The following RPL26 variants were observed in gnomAD, a reference collection of about 807,000 sequenced individuals.
RPL26 encodes ribosomal protein L26.
Under a neutral mutation model 16.2 loss-of-function variants are expected in RPL26, and 1 was observed. The observed-to-expected ratio is 0.06, with a 90% CI of 0.02 to 0.29. The LOEUF (loss-of-function observed/expected upper bound fraction) is 0.29, where lower values mean the gene tolerates loss of function less well. RPL26 is among the 10% of genes least tolerant of loss of function. The probability of loss-of-function intolerance (pLI) is 1.00; values close to 1 mark genes in which losing one functional copy is unlikely to be tolerated. For synonymous variants in RPL26, 55 were observed against 62.4 expected (o/e 0.88, Z 0.56); for missense variants, 102 against 184.3 (o/e 0.55, Z 2.58).
intron 1 of RPL26, 88 bp downstream of exon 1, chr17:8,383,069 G>A: frequency 2.5e-6 from 1 of 398,628 alleles, no homozygotes; most frequent in African/African-American, 2.1e-5. Flanking sequence ...CGGCCGACAA[G>A]AGACTCTCGG....
intron 1 of RPL26, 82 bp from the exon 2 acceptor site, chr17:8,382,397 G>C: frequency 9.8e-7 from 1 of 1,020,508 alleles, no homozygotes; most frequent in Non-Finnish European, 1.5e-6. Flanking sequence ...ATTTTATCTT[G>C]ATAGTCTAGA....
chr17:8,377,675 T>C lies in RPL26; in HGVS notation c.327A>G (p.Leu109=), dbSNP rs755255765. 5.3e-5 allele frequency: 85 copies of C among 1,610,480 alleles called. No individual in the cohort carries two copies. Among genetic ancestry groups the C allele is most frequent in the Non-Finnish European group, 1.1e-5 (13 of 1,178,752 alleles). ...IHPSKVVITR[L]KLDKDRKKIL... is the part of the protein sequence containing the mutation. ...TCTTTTTGCGGTCTTTGTCCAGTTTTAGCCTAGTGATAACCACCTGCAGAA... is the reference window on the plus strand; with the variant it reads ...TCTTTTTGCGGTCTTTGTCCAGTTTCAGCCTAGTGATAACCACCTGCAGAA... The change falls in exon 4 of 4, where the codon CTA becomes CTG. Residue 109 remains leucine (L), a synonymous_variant. Coordinates refer to ENST00000648839, the MANE Select transcript of RPL26 (RefSeq NM_000987.5).
rs1395790667 is a variant in RPL26 at position 8,379,793 on chromosome 17, T to C, written c.309+3A>G. On this transcript the variant is annotated splice_donor_region_variant and intron_variant, in intron 3 of 3. Coordinates refer to ENST00000648839, the MANE Select transcript of RPL26 (RefSeq NM_000987.5). ...TCTCTCAAGCATTCTCAAAAACACC[T>C]ACCTTGCTGGGGTGAATGCCTACGT... The C allele has an allele frequency of 1.2e-6, 2 of 1,611,862 alleles. No individual in the cohort carries two copies. The highest frequency in any genetic ancestry group is 1.7e-5 in the Admixed American group (1 of 59,480).
chr17:8,380,689 A>C (rs1907370492), intron 2 of RPL26: 1 of 152,216 alleles, frequency 6.6e-6, no homozygotes, highest in Non-Finnish European at 1.5e-5. Flanking sequence ...TTCAATGACC[A>C]AACATTGAAA....
intron 1 of RPL26, chr17:8,382,662 C>A (rs1907478020): frequency 3.4e-6 from 1 of 291,608 alleles, no homozygotes; most frequent in Non-Finnish European, 6.3e-6. Flanking sequence ...AGACCGACAA[C>A]GCAATTCTCT....
At position 8,379,873 on chromosome 17, in the gene RPL26, A is replaced by G. The variant is rs1345691102; in HGVS notation, c.232T>C (p.Tyr78His). ...GKVVQVYRKK[Y>H]VIYIERVQRE... is the part of the protein sequence containing the mutation. Reference sequence around the variant, plus strand: ...TGCACCCGTTCAATGTAGATAACATATTTCTTCCTGTAAACCTGGACTACT... The same window carrying G: ...TGCACCCGTTCAATGTAGATAACATGTTTCTTCCTGTAAACCTGGACTACT... The change falls in exon 3 of 4, where the codon TAT (tyrosine) becomes CAT (histidine). Residue 78 changes from tyrosine (Y) to histidine (H), a missense_variant. Transcript: ENST00000648839. 1 of 1,613,674 alleles carries G rather than the reference A, an allele frequency of 6.2e-7. No homozygotes were observed. Among genetic ancestry groups the G allele is most frequent in the Non-Finnish European group, 8.5e-7 (1 of 1,179,616 alleles).
Position 8,382,252 on chromosome 17 carries a change from T to G in RPL26, c.59A>C (p.Asn20Thr). Reference protein sequence around the residue: ...DRSKNRKRHFNAPSHIRRKIM... With the variant: ...DRSKNRKRHFTAPSHIRRKIM... ...CTTCCTTCGAATGTGGGAAGGTGCATTGAAATGCCTTTTGCGATTCTTGCT... is the reference window on the plus strand; with the variant it reads ...CTTCCTTCGAATGTGGGAAGGTGCAGTGAAATGCCTTTTGCGATTCTTGCT... Residue 20 changes from asparagine (N) to threonine (T), a missense_variant, in exon 2 of 4, where the codon AAT becomes ACT. Coordinates refer to ENST00000648839, the MANE Select transcript of RPL26 (RefSeq NM_000987.5). The G allele has an allele frequency of 6.2e-7, 1 of 1,613,662 alleles. No individual in the cohort carries two copies. Among genetic ancestry groups the G allele is most frequent in the East Asian group, 2.2e-5 (1 of 44,890 alleles).
intron 2 of RPL26, chr17:8,380,996 G>C (rs946954561): frequency 7.3e-5 from 11 of 151,426 alleles, no homozygotes; most frequent in African/African-American, 2.4e-4. Flanking sequence ...ATTGCTCCTA[G>C]GGATAACACA....
At chr17:8,379,628 T>A in intron 3 of RPL26, 168 bp downstream of exon 3, 1 of 626,900 alleles carries the variant, frequency 1.6e-6, no homozygotes, top group Non-Finnish European at 2.8e-6. Context: ...AGAAACATTT[T>A]AAATGGTATT....
intron 1 of RPL26, 149 bp from the exon 2 acceptor site, chr17:8,382,464 G>A: frequency 3.3e-6 from 2 of 603,888 alleles, no homozygotes; most frequent in South Asian, 4.5e-5. Context: ...TGATCGGAAG[G>A]GCCTATCAAC....
chr17:8,380,167 A>ACT, intron 2 of RPL26: 1 of 462,398 alleles, frequency 2.2e-6, no homozygotes, highest in African/African-American at 2.0e-5. Flanking sequence ...TGTGCAACCT[A>ACT]GTGCTAGTCA....
intron 1 of RPL26, 103 bp from the exon 2 acceptor site, chr17:8,382,418 G>A: frequency 4.8e-6 from 4 of 825,076 alleles, no homozygotes; most frequent in East Asian, 2.7e-5. Context: ...ATGATCATAG[G>A]CAGTGTCATG....
intron 3 of RPL26, among the ~76,000 whole-genome samples, chr17:8,378,466 T>G (rs1907257627): frequency 6.6e-6 from 1 of 152,102 alleles, no homozygotes. Context: ...ACTTCCAGGC[T>G]GGGCGACAAG....
At chr17:8,379,504 G>T (rs557033582) in intron 3 of RPL26, 139 of 510,232 alleles carry the variant, frequency 2.7e-4, no homozygotes, top group African/African-American at 2.4e-3. Context: ...CACTTGGGAG[G>T]TGGAGGCTGC....
intron 1 of RPL26, 131 bp from the exon 2 acceptor site, chr17:8,382,446 A>T (rs1186222254): frequency 3.5e-5 from 23 of 661,106 alleles, no homozygotes; most frequent in Non-Finnish European, 5.6e-5. Context: ...ACTTCAACAA[A>T]AACTGTTTGA....
At chr17:8,381,457 T>G (rs1251907539) in intron 2 of RPL26, 4 of 152,248 alleles carry the variant, frequency 2.6e-5, no homozygotes, top group Admixed American at 1.3e-4. Flanking sequence ...TATGGTCACA[T>G]CATCTGACGT....
At chr17:8,381,121 A>T (rs1288783582) in intron 2 of RPL26, 3 of 152,040 alleles carry the variant, frequency 2.0e-5, no homozygotes, top group African/African-American at 4.8e-5. Context: ...CCCATCCAGG[A>T]ACCAACTCAG....
chr17:8,377,947 A>C (rs1907227456), intron 3 of RPL26, among the ~76,000 whole-genome samples: 1 of 152,222 alleles, frequency 6.6e-6, no homozygotes, highest in Non-Finnish European at 1.5e-5. Context: ...GCTTCATTAT[A>C]AGATTTGTTT....
At position 8,377,653 on chromosome 17, in the gene RPL26, T is replaced by G. The variant is rs1268920255; in HGVS notation, c.349A>C (p.Lys117Gln). ...GATTTGGCTTTCCGTTCGAGGATCT[T>G]TTTGCGGTCTTTGTCCAGTTTTAGC... Reference protein sequence around the residue: ...TRLKLDKDRKKILERKAKSRQ... With the variant: ...TRLKLDKDRKQILERKAKSRQ... The change falls in exon 4 of 4, where the codon AAG becomes CAG. Residue 117 changes from lysine (K) to glutamine (Q), a missense_variant. Transcript: ENST00000648839. The G allele has an allele frequency of 2.4e-5, 38 of 1,612,180 alleles. No individual in the cohort carries two copies. The highest frequency in any genetic ancestry group is 3.1e-5 in the Non-Finnish European group (37 of 1,179,630).
Sources: gnomAD v4.1 joint callset for allele counts (sites outside exome capture counted in the v4.1 genomes callset) on GRCh38, gnomAD v4.1.1 for gene constraint, MANE v1.5 for transcripts, NCBI Gene and HGNC (gene_info 2026-07-23, HGNC 2026-07-21) for gene names.